Variants in COL17A1 observed in about 807,000 individuals in gnomAD.
COL17A1 encodes collagen alpha-1(XVII) chain.
Under a neutral mutation model 218.4 loss-of-function variants are expected in COL17A1, and 181 were observed. The ratio of observed to expected loss-of-function variants is 0.83; its 90% CI spans 0.73 to 0.94. The LOEUF is 0.94. COL17A1 is among the 40% of genes least tolerant of loss of function. The probability of loss-of-function intolerance (pLI) is 0.00; values close to 1 mark genes in which losing one functional copy is unlikely to be tolerated. For missense variants in COL17A1, 1,924 were observed against 1,945.9 expected (o/e 0.99, Z 0.21); for synonymous variants, 721 against 731.0 (o/e 0.99, Z 0.22).
rs756973019 is a variant in COL17A1 at position 104,034,300 on chromosome 10, T to TG, written c.3800dup (p.Gly1268ArgfsTer25). Reference sequence around the variant, plus strand: ...GGGGTCCCTGCGGCCCAGGAGGGCCTGGGGGGCCAACAATGAAGCTGCGCA... The same window carrying TG: ...GGGGTCCCTGCGGCCCAGGAGGGCCTGGGGGGGCCAACAATGAAGCTGCGCA... On this transcript the variant is annotated frameshift_variant, in exon 52 of 56. Coordinates refer to ENST00000648076, the MANE Select transcript of COL17A1 (RefSeq NM_000494.4). LOFTEE classifies it high-confidence loss of function. 38 of 1,576,488 alleles carry TG rather than the reference T, an allele frequency of 2.4e-5. No homozygotes were observed. Among genetic ancestry groups the TG allele is most frequent in the African/African-American group, 1.2e-4 (9 of 73,876 alleles).
rs535461216 is a variant in COL17A1, at chr10:104,060,389, A to T, written c.980-109T>A. The T allele has an allele frequency of 5.4e-6, 8 of 1,469,886 alleles. No homozygotes were observed. The South Asian group carries it at 9.6e-5, about 18-fold the overall frequency. The allele number at this position is 1,469,886 out of a possible 1,614,324, so 91.1% of individuals were successfully genotyped here. ...AGAAAGAGAAGGAGGAGGGAGGTAA[A>T]TTAGCAGGTGTGTATGAGGGTCTCT... On this transcript the variant is annotated intron_variant, in intron 13 of 55. Transcript: ENST00000648076.
At position 104,050,833 on chromosome 10, in the gene COL17A1, C is replaced by T. The variant is rs1433502091; in HGVS notation, c.2092+15G>A. The T allele has an allele frequency of 5.6e-6, 9 of 1,614,040 alleles. No homozygotes were observed. The highest frequency in any genetic ancestry group is 1.3e-5 in the African/African-American group (1 of 74,904). ...TCAGACCCTCACTGTCCCCCCAGGCCTCCCTCCAGCTTACCTTTGACACCA... is the reference window on the plus strand; with the variant it reads ...TCAGACCCTCACTGTCCCCCCAGGCTTCCCTCCAGCTTACCTTTGACACCA... On this transcript the variant is annotated intron_variant, in intron 26 of 55. Coordinates refer to ENST00000648076, the MANE Select transcript of COL17A1 (RefSeq NM_000494.4).
In COL17A1 at chr10:104,049,426, C is replaced by T; in HGVS notation, c.2210G>A (p.Gly737Glu). ...ACACTTACCCATTGCTCCTTTAGCC[C>T]CGGGCTCACCAACAGCACCAGGCAA... ...RGLPGAVGEPGAKGAMGPAGP... is the reference protein window; with the variant it reads ...RGLPGAVGEPEAKGAMGPAGP... Residue 737 changes from glycine (G) to glutamate (E), a missense_variant, in exon 29 of 56, where the codon GGG becomes GAG. By Grantham distance (98) the Gly-to-Glu change is moderately conservative. Coordinates refer to ENST00000648076, the MANE Select transcript of COL17A1 (RefSeq NM_000494.4). 3.1e-6 allele frequency: 5 copies of T among 1,614,178 alleles called. No homozygotes were observed. In the South Asian group the frequency reaches 5.5e-5, roughly 18 times the overall value.
intron 13 of COL17A1, 91 bp downstream of exon 13, chr10:104,061,314 T>G: frequency 7.9e-6 from 10 of 1,259,004 alleles, no homozygotes; most frequent in East Asian, 2.5e-5. Context: ...CAGTATACCA[T>G]GTGTATTGGA....
In COL17A1 at chr10:104,039,628, A is replaced by G. The variant is rs2086337952; in HGVS notation, c.2801T>C (p.Leu934Pro). Residue 934 changes from leucine (L) to proline (P), a missense_variant, in exon 42 of 56, where the codon CTC becomes CCC. Transcript: ENST00000648076. ...GPRGHQGEQG[L>P]PGFSTSGSSS... is the part of the protein sequence containing the mutation. ...CTTACCTGAGGTTGAGAAACCTGGG[A>G]GGCCTTGCTCGCCTGAGGAACACAC... is the stretch of plus-strand genomic sequence containing the variant. 1 of 1,614,166 alleles carries G rather than the reference A, an allele frequency of 6.2e-7. No individual in the cohort carries two copies. Among genetic ancestry groups the G allele is most frequent in the Non-Finnish European group, 8.5e-7 (1 of 1,180,014 alleles).
intron 43 of COL17A1, 101 bp from the exon 44 acceptor site, chr10:104,039,222 G>T (rs2086333255): frequency 8.0e-6 from 10 of 1,251,360 alleles, no homozygotes; most frequent in Non-Finnish European, 1.2e-5. Flanking sequence ...ATCGTCCCAT[G>T]TCTCTTGGCC....
intron 54 of COL17A1, 67 bp from the exon 55 acceptor site, chr10:104,032,821 G>A: frequency 6.2e-7 from 1 of 1,608,788 alleles, no homozygotes; most frequent in South Asian, 1.1e-5. Flanking sequence ...CAGGTAGCCG[G>A]TGTGGCACCA....
At chr10:104,074,257 A>G in intron 5 of COL17A1, 26 bp from the exon 6 acceptor site, 1 of 1,614,110 alleles carries the variant, frequency 6.2e-7, no homozygotes, top group South Asian at 1.1e-5. Context: ...AACACTTAGA[A>G]CAAATGGCCT....
chr10:104,036,089 A>AGTGAGTATGGGAGTGTGAGTATGG (rs2086290090), intron 48 of COL17A1, among the ~76,000 whole-genome samples: 2 of 1,520 alleles, frequency 1.3e-3, no homozygotes, highest in Admixed American at 8.6e-3. Flanking sequence ...TGTGTATGGG[A>AGTGAGTATGGGAGTGTGAGTATGG]GTGTGTGTGT....
rs1365724481 is a variant in COL17A1 at position 104,034,687 on chromosome 10, C to T, written c.3700G>A (p.Ala1234Thr). The change falls in exon 51 of 56, where the codon GCC becomes ACC. Residue 1234 changes from alanine (A) to threonine (T), a missense_variant. Transcript: ENST00000648076. ...GPRGPPGVSGALATYAAENSD... is the reference protein window; with the variant it reads ...GPRGPPGVSGTLATYAAENSD... ...TTTTCAGCTGCATAGGTTGCCAGGG[C>T]TCCTGAGACACCCGGGGGCCCTCGA... is the stretch of plus-strand genomic sequence containing the variant. 6.2e-7 allele frequency: 1 copy of T among 1,610,590 alleles called. No homozygotes were observed.
intron 22 of COL17A1, 87 bp downstream of exon 22, chr10:104,053,833 C>T: frequency 1.3e-6 from 1 of 798,162 alleles, no homozygotes; most frequent in Non-Finnish European, 2.2e-6. Context: ...TAAAACAAGG[C>T]CTCACATACA....
intron 20 of COL17A1, 50 bp from the exon 21 acceptor site, chr10:104,054,168 C>T (rs1445877276): frequency 6.3e-7 from 1 of 1,579,398 alleles, no homozygotes; most frequent in Non-Finnish European, 8.6e-7. Context: ...AGACTGTGCC[C>T]AATTCCCAAA....
rs1388471208 is a variant in COL17A1 at position 104,053,906 on chromosome 10, A to G, written c.1834+14T>C. ...AATGAGGAATAAATGAATAAAGAAA[A>G]ATGTGTTTCTTACCCACGCTGCCTT... is the stretch of plus-strand genomic sequence containing the variant. On this transcript the variant is annotated intron_variant, in intron 22 of 55. Coordinates refer to ENST00000648076, the MANE Select transcript of COL17A1 (RefSeq NM_000494.4). The G allele has an allele frequency of 3.4e-6, 5 of 1,488,926 alleles. No individual in the cohort carries two copies. Among genetic ancestry groups the G allele is most frequent in the Middle Eastern group, 3.4e-4 (2 of 5,840 alleles). 92.2% of individuals were successfully genotyped at this position (1,488,926 alleles called of 1,614,324 possible).
chr10:104,048,477 T>C (rs1037715550), intron 29 of COL17A1, among the ~76,000 whole-genome samples: 1 of 152,210 alleles, frequency 6.6e-6, no homozygotes, highest in African/African-American at 2.4e-5. Context: ...GACCATATCT[T>C]GCTCTTTCCC....
Position 104,033,965 on chromosome 10 carries a change from C to T in COL17A1, c.4136G>A (p.Arg1379Lys). The T allele has an allele frequency of 6.2e-7, 1 of 1,614,204 alleles. No individual in the cohort carries two copies. Among genetic ancestry groups the T allele is most frequent in the Non-Finnish European group, 8.5e-7 (1 of 1,180,038 alleles). ...CTTACGCTGCATGCTCTCTGACACC[C>T]TCACAGCCAGCTCATTGTAATCCAG... ...GDLDYNELAV[R>K]VSESMQRQGL... The change falls in exon 52 of 56, where the codon AGG becomes AAG. Residue 1379 changes from arginine (R) to lysine (K), a missense_variant. Coordinates refer to ENST00000648076, the MANE Select transcript of COL17A1 (RefSeq NM_000494.4).
chr10:104,046,806 G>A (rs1391284000), intron 31 of COL17A1, 33 bp from the exon 32 acceptor site: 1 of 1,611,004 alleles, frequency 6.2e-7, no homozygotes, highest in Non-Finnish European at 8.5e-7. Flanking sequence ...GGGAAGAGTT[G>A]AAGGGTGGAG....
chr10:104,036,024 C>CT (rs1338913356), intron 48 of COL17A1, among the ~76,000 whole-genome samples: 8 of 72,714 alleles, frequency 1.1e-4, no homozygotes, highest in Admixed American at 8.1e-4. Flanking sequence ...ATGGGTGTGT[C>CT]TGAGTATGGA....
chr10:104,070,642 C>G (rs908563175), intron 8 of COL17A1, 73 bp from the exon 9 acceptor site: 1 of 1,612,068 alleles, frequency 6.2e-7, no homozygotes, highest in South Asian at 1.1e-5. Flanking sequence ...CTGGGGGGAA[C>G]ATTTGTGGCA....
chr10:104,038,299 G>A (rs999238788), intron 45 of COL17A1, 107 bp downstream of exon 45: 6 of 1,423,232 alleles, frequency 4.2e-6, no homozygotes, highest in Non-Finnish European at 5.9e-6. Context: ...GCCCTACATC[G>A]TCCCATGTCT....
Sources: gnomAD v4.1 joint callset for allele counts (sites outside exome capture counted in the v4.1 genomes callset) on GRCh38, gnomAD v4.1.1 for gene constraint, MANE v1.5 for transcripts, NCBI Gene and HGNC (gene_info 2026-07-23, HGNC 2026-07-21) for gene names.